The following MAL variants were observed in gnomAD, a reference collection of about 807,000 sequenced individuals.
MAL encodes mal, T cell differentiation protein (MAL blood group).
MAL carries 5 observed loss-of-function variants against 16.7 expected under a neutral mutation model. The ratio of observed to expected loss-of-function variants is 0.30; its 90% CI spans 0.16 to 0.63. MAL has a LOEUF of 0.63. Among genes scored for constraint, MAL ranks in the 30% least tolerant of loss-of-function variants. MAL has a pLI of 0.82. For synonymous variants in MAL, 96 were observed against 85.5 expected (o/e 1.12, Z -0.67); for missense variants, 202 against 195.8 (o/e 1.03, Z -0.19).
In MAL at chr2:95,049,445, C is replaced by T. The variant is rs568768191; in HGVS notation, c.262-136C>T. On this transcript the variant is annotated intron_variant, in intron 2 of 3. Transcript: ENST00000309988. ...CACAGCAGGGCAGGCATGGGACCTCCGTGACAAGGTTGGGAGGGGTGGGAT... is the reference window on the plus strand; with the variant it reads ...CACAGCAGGGCAGGCATGGGACCTCTGTGACAAGGTTGGGAGGGGTGGGAT... The T allele has an allele frequency of 3.1e-5, 35 of 1,142,328 alleles. No homozygotes were observed. The East Asian group carries it at 6.4e-4, about 21-fold the overall frequency. 70.8% of individuals were successfully genotyped at this position (1,142,328 alleles called of 1,614,324 possible). A position where few individuals can be genotyped will look rare whatever the true frequency, so the allele number is the denominator to read the frequency against.
chr2:95,049,860 C>T (rs983912073), intron 3 of MAL, among the ~76,000 whole-genome samples, 154 bp downstream of exon 3: 1 of 152,066 alleles, frequency 6.6e-6, no homozygotes, highest in Non-Finnish European at 1.5e-5. Flanking sequence ...GGAAAGCCCC[C>T]GAGAAGGGCA....
Position 95,053,652 on chromosome 2 carries a change from G to A in MAL, c.*197G>A, listed in dbSNP as rs535146147. On this transcript the variant is annotated 3_prime_UTR_variant, in exon 4 of 4. Coordinates refer to ENST00000309988, the MANE Select transcript of MAL (RefSeq NM_002371.4). ...TACTCTCCCGTGTGCCTTCGCGTCC[G>A]GGTTGGGAGCTTGCTGTGTCTAACC... The A allele has an allele frequency of 1.3e-3, 742 of 584,890 alleles. 1 individual carries two copies. The highest frequency in any genetic ancestry group is 1.7e-3 in the African/African-American group (93 of 53,616). 36.2% of individuals were successfully genotyped at this position (584,890 alleles called of 1,614,324 possible).
chr2:95,049,071 A>G (rs1243503680), intron 2 of MAL, among the ~76,000 whole-genome samples: 1 of 152,010 alleles, frequency 6.6e-6, no homozygotes, highest in Non-Finnish European at 1.5e-5. Flanking sequence ...TCCTGCACCA[A>G]TCTCCCAAAG....
At chr2:95,049,921 G>T (rs1243903628) in intron 3 of MAL, among the ~76,000 whole-genome samples, 1 of 152,162 alleles carries the variant, frequency 6.6e-6, no homozygotes, top group African/African-American at 2.4e-5. Flanking sequence ...AGGGCTGCAT[G>T]CCCCAGGCCT....
At position 95,049,575 on chromosome 2, in the gene MAL, C is replaced by A; in HGVS notation, c.262-6C>A. The A allele has an allele frequency of 6.2e-7, 1 of 1,614,148 alleles. No homozygotes were observed. The highest frequency in any genetic ancestry group is 1.1e-5 in the South Asian group (1 of 91,076). ...CCATCCCTCTGACACCCCGTCTGCC[C>A]CATAGGACGCAGCCTACCACTGCAC... On this transcript the variant is annotated splice_region_variant and splice_polypyrimidine_tract_variant and intron_variant, in intron 2 of 3. Transcript: ENST00000309988.
Position 95,053,722 on chromosome 2 carries a change from A to C in MAL, c.*267A>C. 2.2e-6 allele frequency: 1 copy of C among 445,714 alleles called. No individual in the cohort carries two copies. The allele number at this position is 445,714 out of a possible 1,614,324, so 27.6% of individuals were successfully genotyped here. A position where few individuals can be genotyped will look rare whatever the true frequency, so the allele number is the denominator to read the frequency against. ...GCTAGGGTCACCTCCTGTTTGTGAA[A>C]GGGGACCTTCTTGTTCGGGGGTGGG... is the stretch of plus-strand genomic sequence containing the variant. On this transcript the variant is annotated 3_prime_UTR_variant, in exon 4 of 4. Transcript: ENST00000309988.
intron 1 of MAL, among the ~76,000 whole-genome samples, chr2:95,027,026 C>A (rs910988829): frequency 1.3e-5 from 2 of 152,118 alleles, no homozygotes; most frequent in African/African-American, 4.8e-5. Flanking sequence ...GGGTGAAAGT[C>A]CAGTCGAACC....
At position 95,025,775 on chromosome 2, in the gene MAL, C is replaced by T. The variant is rs1447526927; in HGVS notation, c.-18C>T. On this transcript the variant is annotated 5_prime_UTR_variant, in exon 1 of 4. Coordinates refer to ENST00000309988, the MANE Select transcript of MAL (RefSeq NM_002371.4). The surrounding 1 kb of genome is among the most constrained non-coding windows in gnomAD (Gnocchi z 5.6). ...AGCGGCGCTCGTCCCGTCCCAAGGC[C>T]GACGCCAGCACGCCGTCATGGCCCC... 2 of 1,519,474 alleles carry T rather than the reference C, an allele frequency of 1.3e-6. No homozygotes were observed. The highest frequency in any genetic ancestry group is 1.8e-6 in the Non-Finnish European group (2 of 1,129,454). The allele number at this position is 1,519,474 out of a possible 1,614,324, so 94.1% of individuals were successfully genotyped here.
At chr2:95,032,139 G>T (rs1368552716) in intron 1 of MAL, among the ~76,000 whole-genome samples, 1 of 152,250 alleles carries the variant, frequency 6.6e-6, no homozygotes, top group East Asian at 1.9e-4. Flanking sequence ...TTTCAGAAGT[G>T]AGTAGGAAGC....
At chr2:95,050,215 G>A (rs1332697686) in intron 3 of MAL, among the ~76,000 whole-genome samples, 3 of 152,288 alleles carry the variant, frequency 2.0e-5, no homozygotes, top group South Asian at 4.2e-4. Context: ...TCCCCAAGTG[G>A]TCGTCCATTG....
intron 2 of MAL, among the ~76,000 whole-genome samples, chr2:95,049,022 T>C (rs527920506): frequency 2.0e-5 from 3 of 152,072 alleles, no homozygotes; most frequent in Non-Finnish European, 2.9e-5. Context: ...TCTAACTATG[T>C]TTCCCAGGCT....
At chr2:95,028,610 C>T (rs887045218) in intron 1 of MAL, among the ~76,000 whole-genome samples, 2 of 152,166 alleles carry the variant, frequency 1.3e-5, no homozygotes, top group African/African-American at 4.8e-5. Flanking sequence ...AGTATTGGCA[C>T]ATGCATGTTC....
chr2:95,037,226 C>T (rs867592781), intron 1 of MAL, among the ~76,000 whole-genome samples: 32 of 67,188 alleles, frequency 4.8e-4, no homozygotes, highest in South Asian at 1.6e-3. Flanking sequence ...ACTGAGTGAC[C>T]AAGTGAGTGA....
chr2:95,027,153 GC>G (rs1048454665), intron 1 of MAL, among the ~76,000 whole-genome samples: 1 of 152,178 alleles, frequency 6.6e-6, no homozygotes, highest in Non-Finnish European at 1.5e-5. Flanking sequence ...CAGAGAGCCA[GC>G]CCCCCGCTGG....
intron 1 of MAL, chr2:95,044,728 A>G (rs1674544374): frequency 6.6e-6 from 1 of 152,302 alleles, no homozygotes; most frequent in African/African-American, 2.4e-5. Flanking sequence ...GGTTGGTAAA[A>G]GCACACACTG....
intron 3 of MAL, chr2:95,051,425 A>G (rs1446685227): frequency 6.6e-6 from 1 of 152,184 alleles, no homozygotes; most frequent in Non-Finnish European, 1.5e-5. Context: ...TCCTGTCCCC[A>G]TCACTGTGCA....
At chr2:95,044,038 C>T (rs1350828542) in intron 1 of MAL, among the ~76,000 whole-genome samples, 1 of 152,170 alleles carries the variant, frequency 6.6e-6, no homozygotes, top group African/African-American at 2.4e-5. Flanking sequence ...TCACCCAGGG[C>T]CCCCTGAATG....
At chr2:95,040,781 G>A (rs973461459) in intron 1 of MAL, among the ~76,000 whole-genome samples, 32 of 152,174 alleles carry the variant, frequency 2.1e-4, no homozygotes, top group African/African-American at 7.5e-4. Context: ...CTGGGGAGAT[G>A]ATTTTTGCCA....
chr2:95,025,801 C>G lies in MAL; in HGVS notation c.9C>G (p.Pro3=). 6.4e-7 allele frequency: 1 copy of G among 1,554,856 alleles called. No homozygotes were observed. Among genetic ancestry groups the G allele is most frequent in the Non-Finnish European group, 8.7e-7 (1 of 1,150,640 alleles). ...GACGCCAGCACGCCGTCATGGCCCCCGCAGCGGCGACGGGGGGCAGCACCC... is the reference window on the plus strand; with the variant it reads ...GACGCCAGCACGCCGTCATGGCCCCGGCAGCGGCGACGGGGGGCAGCACCC... The part of the protein sequence containing the change: MA[P]AAATGGSTLP... Residue 3 remains proline (P), a synonymous_variant, in exon 1 of 4, where the codon CCC becomes CCG. Coordinates refer to ENST00000309988, the MANE Select transcript of MAL (RefSeq NM_002371.4). This position sits in a 1 kb window ranked among gnomAD's most constrained non-coding sequence, Gnocchi z 5.6.
Sources: allele counts gnomAD v4.1 joint callset (sites outside exome capture counted in the v4.1 genomes callset), GRCh38; gene constraint gnomAD v4.1.1; non-coding constraint Gnocchi (gnomAD v3.1); transcripts MANE v1.5; gene names NCBI Gene and HGNC (gene_info 2026-07-23, HGNC 2026-07-21).